The following SLC22A15 variants were observed in gnomAD, a reference collection of about 807,000 sequenced individuals.
The protein encoded by SLC22A15 is solute carrier family 22 member 15.
Under a neutral mutation model 62.7 loss-of-function variants are expected in SLC22A15, and 45 were observed. That is an observed-to-expected ratio of 0.72 (90% CI 0.56 to 0.92). SLC22A15 has a LOEUF of 0.92. Ranked by LOEUF, SLC22A15 falls within the 40% of genes least tolerant of loss-of-function variation. The probability of loss-of-function intolerance (pLI) is 0.00; values close to 1 mark genes in which losing one functional copy is unlikely to be tolerated. For missense variants in SLC22A15, 622 were observed against 665.6 expected, an observed-to-expected ratio of 0.93 and a Z score of 0.72; for synonymous variants, 264 against 267.0, an observed-to-expected ratio of 0.99 and a Z score of 0.11.
At chr1:116,004,395 G>T (rs1371829002) in intron 2 of SLC22A15, among the ~76,000 whole-genome samples, 1 of 152,102 alleles carries the variant, frequency 6.6e-6, no homozygotes, top group Non-Finnish European at 1.5e-5. Context: ...CAATATTTTT[G>T]AGAATTTTTA....
At position 116,019,465 on chromosome 1, in the gene SLC22A15, G is replaced by A. The variant is rs543422057; in HGVS notation, c.301-117G>A. 2.0e-4 allele frequency: 193 copies of A among 941,674 alleles called. 1 individual carries two copies. The South Asian group carries it at 3.4e-3, about 17-fold the overall frequency. The allele number at this position is 941,674 out of a possible 1,614,324, so 58.3% of individuals were successfully genotyped here. A position where few individuals can be genotyped will look rare whatever the true frequency, so the allele number is the denominator to read the frequency against. On this transcript the variant is annotated intron_variant, in intron 2 of 11. Transcript: ENST00000369503. ...AGATAGACAAATTCTACTGAATTCT[G>A]GTTAATAGTGGATCATGCAGTATAG...
chr1:116,038,711 G>A (rs886680570), intron 8 of SLC22A15, among the ~76,000 whole-genome samples: 1 of 152,172 alleles, frequency 6.6e-6, no homozygotes, highest in Non-Finnish European at 1.5e-5. Context: ...GACTGTGATG[G>A]ACTTCAAATC....
intron 8 of SLC22A15, among the ~76,000 whole-genome samples, chr1:116,061,465 T>C (rs1244834123): frequency 2.0e-5 from 3 of 151,442 alleles, no homozygotes; most frequent in Non-Finnish European, 4.4e-5. Flanking sequence ...CCTTCAAGAG[T>C]AGGAATTTCA....
At chr1:116,052,253 C>T (rs1658076421) in intron 8 of SLC22A15, among the ~76,000 whole-genome samples, 2 of 152,218 alleles carry the variant, frequency 1.3e-5, no homozygotes, top group Admixed American at 1.3e-4. Context: ...ATATCCCGCA[C>T]CTGGCTCGGA....
rs545630242 is a variant in SLC22A15, at chr1:116,054,611, G to C, written c.1172-8151G>C. Among the ~76,000 whole-genome samples, 705 of 151,964 alleles carry C rather than the reference G, an allele frequency of 4.6e-3. 7 individuals are homozygous for C. The highest frequency in any genetic ancestry group is 0.016 in the African/African-American group (664 of 41,454). On this transcript the variant is annotated intron_variant, in intron 8 of 11. Coordinates refer to ENST00000369503, the MANE Select transcript of SLC22A15 (RefSeq NM_018420.3). ...AAATCAACAGAATATACATTTTTTT[G>C]AGCACCACACCACACCTATTCCAAA...
At position 116,000,756 on chromosome 1, in the gene SLC22A15, G is replaced by A. The variant is rs369394083; in HGVS notation, c.300+8513G>A. ...TTCGATTCTCCTGCCTCAGGCTCCC[G>A]AGTAGCTGGGACTGCAGGCACCCGC... On this transcript the variant is annotated intron_variant, in intron 2 of 11. Transcript: ENST00000369503. Among the ~76,000 whole-genome samples, 3 of 148,178 alleles carry A rather than the reference G, an allele frequency of 2.0e-5. No homozygotes were observed. The East Asian group carries it at 6.4e-4, about 31-fold the overall frequency.
intron 10 of SLC22A15, 35 bp from the exon 11 acceptor site, chr1:116,066,485 C>G (rs751995113): frequency 7.4e-6 from 11 of 1,495,412 alleles, no homozygotes; most frequent in Non-Finnish European, 9.9e-6. Context: ...AACTAATTCT[C>G]TGGTTTATTT....
chr1:116,067,744 T>G lies in SLC22A15; in HGVS notation c.*636T>G, dbSNP rs1658530454. On this transcript the variant is annotated 3_prime_UTR_variant, in exon 12 of 12. Coordinates refer to ENST00000369503, the MANE Select transcript of SLC22A15 (RefSeq NM_018420.3). ...CTGCTGGTGCCTTGAGTCCCACAGA[T>G]GATTCATTAGGAAAAGCCAGATATA... The G allele has an allele frequency of 6.6e-6, 1 of 152,414 alleles. No homozygotes were observed. Among genetic ancestry groups the G allele is most frequent in the Non-Finnish European group, 1.5e-5 (1 of 68,270 alleles). 9.4% of individuals were successfully genotyped at this position (152,414 alleles called of 1,614,324 possible).
intron 3 of SLC22A15, among the ~76,000 whole-genome samples, chr1:116,020,063 T>G (rs939857454): frequency 2.0e-5 from 3 of 152,218 alleles, no homozygotes; most frequent in African/African-American, 7.2e-5. Context: ...CTCTCTGTGT[T>G]GATTCATTTC....
chr1:116,066,905 T>TG, intron 11 of SLC22A15, 114 bp from the exon 12 acceptor site: 1 of 971,184 alleles, frequency 1.0e-6, no homozygotes, highest in Admixed American at 2.3e-5. Context: ...GGCTATTTCT[T>TG]GGGGGAATGA....
intron 2 of SLC22A15, chr1:116,017,553 G>T (rs538099557): frequency 6.6e-6 from 1 of 152,138 alleles, no homozygotes; most frequent in African/African-American, 2.4e-5. Flanking sequence ...GAGCCTTTTG[G>T]TGGGTGGTTT....
At chr1:116,013,642 G>T (rs1175236789) in intron 2 of SLC22A15, among the ~76,000 whole-genome samples, 1 of 152,106 alleles carries the variant, frequency 6.6e-6, no homozygotes, top group Non-Finnish European at 1.5e-5. Context: ...CCATTTTAAA[G>T]CAATATTTTG....
rs1352370179 is a variant in SLC22A15 at position 116,067,058 on chromosome 1, G to A, written c.1594G>A (p.Glu532Lys). 4 of 1,612,666 alleles carry A rather than the reference G, an allele frequency of 2.5e-6. No homozygotes were observed. The highest frequency in any genetic ancestry group is 1.7e-6 in the Non-Finnish European group (2 of 1,179,514). The change falls in exon 12 of 12, where the codon GAA becomes AAA. Residue 532 changes from glutamate to lysine, a missense_variant. Transcript: ENST00000369503. ...GAGCTCTTTAGGGAGTGAGAGTGAGGAAGAGGAAGAATTTTATGATGCAGA... is the reference window on the plus strand; with the variant it reads ...GAGCTCTTTAGGGAGTGAGAGTGAGAAAGAGGAAGAATTTTATGATGCAGA... ...KESSLGSESEEEEEFYDADEE... is the reference protein window; with the variant it reads ...KESSLGSESEKEEEFYDADEE...
In SLC22A15 at chr1:116,067,357, A is replaced by G. The variant is rs773242599; in HGVS notation, c.*249A>G. ...AATTTAAGTTCTACTCAGAATCATA[A>G]CATCTGGCAGAACAGCCCAAACCCA... On this transcript the variant is annotated 3_prime_UTR_variant, in exon 12 of 12. Coordinates refer to ENST00000369503, the MANE Select transcript of SLC22A15 (RefSeq NM_018420.3). 2.8e-5 allele frequency: 12 copies of G among 434,220 alleles called. No individual in the cohort carries two copies. The highest frequency in any genetic ancestry group is 4.1e-5 in the Non-Finnish European group (10 of 242,944). 26.9% of individuals were successfully genotyped at this position (434,220 alleles called of 1,614,324 possible).
At chr1:115,997,509 T>G (rs947143385) in intron 2 of SLC22A15, among the ~76,000 whole-genome samples, 1 of 152,118 alleles carries the variant, frequency 6.6e-6, no homozygotes, top group Non-Finnish European at 1.5e-5. Flanking sequence ...ACTTTGGAGA[T>G]CTTTCACTTC....
intron 8 of SLC22A15, among the ~76,000 whole-genome samples, chr1:116,057,650 A>G (rs1264881283): frequency 1.3e-5 from 2 of 152,230 alleles, no homozygotes; most frequent in Non-Finnish European, 2.9e-5. Flanking sequence ...AAGACTTGGA[A>G]CCAACCCAAA....
At chr1:116,024,265 G>T (rs1656984312) in intron 4 of SLC22A15, among the ~76,000 whole-genome samples, 1 of 152,124 alleles carries the variant, frequency 6.6e-6, no homozygotes, top group African/African-American at 2.4e-5. Context: ...CAGTAGAGAT[G>T]GGGAGAGCAA....
At chr1:116,056,442 G>T (rs559966198) in intron 8 of SLC22A15, among the ~76,000 whole-genome samples, 23 of 150,134 alleles carry the variant, frequency 1.5e-4, no homozygotes, top group South Asian at 8.6e-4. Context: ...CATGCTCATG[G>T]GTAGGAAGAA....
chr1:116,067,213 C>A lies in SLC22A15; in HGVS notation c.*105C>A, dbSNP rs1434553853. 4.8e-6 allele frequency: 4 copies of A among 825,540 alleles called. No individual in the cohort carries two copies. The East Asian group carries it at 8.0e-5, about 16-fold the overall frequency. 51.1% of individuals were successfully genotyped at this position (825,540 alleles called of 1,614,324 possible). A position where few individuals can be genotyped will look rare whatever the true frequency, so the allele number is the denominator to read the frequency against. On this transcript the variant is annotated 3_prime_UTR_variant, in exon 12 of 12. Transcript: ENST00000369503. ...GAGAGTTGTAAAAATAGAGGCTTGG[C>A]TTGAATGTACATAGATGGTACCTGG...
Sources: gnomAD v4.1 joint callset for allele counts (sites outside exome capture counted in the v4.1 genomes callset) on GRCh38, gnomAD v4.1.1 for gene constraint, MANE v1.5 for transcripts, NCBI Gene and HGNC (gene_info 2026-07-23, HGNC 2026-07-21) for gene names.